The following IL10RB variants were observed in gnomAD, a reference collection of about 807,000 sequenced individuals.
The protein encoded by IL10RB is interleukin-10 receptor subunit beta.
Under a neutral mutation model 38.7 loss-of-function variants are expected in IL10RB, and 30 were observed. The observed-to-expected ratio is 0.78, with a 90% CI of 0.58 to 1.05. The LOEUF (loss-of-function observed/expected upper bound fraction) is 1.05. Ranked by LOEUF, IL10RB falls within the 50% of genes least tolerant of loss-of-function variation. The probability of loss-of-function intolerance (pLI) is 0.00; values close to 1 mark genes in which losing one functional copy is unlikely to be tolerated. For synonymous variants in IL10RB, 142 were observed against 145.9 expected, an observed-to-expected ratio of 0.97 and a Z score of 0.19; for missense variants, 328 against 397.1, an observed-to-expected ratio of 0.83 and a Z score of 1.48.
chr21:33,275,842 C>G (rs1989160631), intron 2 of IL10RB, among the ~76,000 whole-genome samples: 1 of 152,218 alleles, frequency 6.6e-6, no homozygotes, highest in African/African-American at 2.4e-5. Context: ...AGTCAGAACA[C>G]TCACAACATC....
chr21:33,288,006 C>A, intron 5 of IL10RB, 98 bp from the exon 6 acceptor site: 1 of 1,166,536 alleles, frequency 8.6e-7, no homozygotes, highest in Non-Finnish European at 1.3e-6. Context: ...GATAAACGTA[C>A]AGGCTCTGTT....
rs117656342 is a variant in IL10RB, at chr21:33,287,379, G to A, written c.647-725G>A. ...TGGCTTTGGTTTTGGTTTTTGAGGCGGGGTTTCACTCTGTCGCCCAGTTTG... is the reference window on the plus strand; with the variant it reads ...TGGCTTTGGTTTTGGTTTTTGAGGCAGGGTTTCACTCTGTCGCCCAGTTTG... On this transcript the variant is annotated intron_variant, in intron 5 of 6. Coordinates refer to ENST00000290200, the MANE Select transcript of IL10RB (RefSeq NM_000628.5). Among the ~76,000 whole-genome samples the A allele has an allele frequency of 1.7e-3, 257 of 151,506 alleles. 1 individual carries two copies. In the East Asian group the frequency reaches 0.018, roughly 10 times the overall value.
At chr21:33,307,612 G>A (rs2083001930) in intron 1 of IL10RB, among the ~76,000 whole-genome samples, 2 of 152,124 alleles carry the variant, frequency 1.3e-5, no homozygotes, top group Non-Finnish European at 2.9e-5. Context: ...GGAACAGCCT[G>A]GGATGTGCCA....
At chr21:33,293,642 G>A (rs1421235059) in intron 6 of IL10RB, among the ~76,000 whole-genome samples, 1 of 152,148 alleles carries the variant, frequency 6.6e-6, no homozygotes, top group Non-Finnish European at 1.5e-5. Context: ...CCAACATGGT[G>A]AAACCCTGTC....
chr21:33,293,641 T>A (rs1989532540), intron 6 of IL10RB, among the ~76,000 whole-genome samples: 1 of 152,038 alleles, frequency 6.6e-6, no homozygotes, highest in Non-Finnish European at 1.5e-5. Flanking sequence ...GCCAACATGG[T>A]GAAACCCTGT....
intron 5 of IL10RB, among the ~76,000 whole-genome samples, chr21:33,284,687 G>C (rs1989342529): frequency 6.6e-6 from 1 of 152,120 alleles, no homozygotes; most frequent in Non-Finnish European, 1.5e-5. Context: ...CCTTGGTGCT[G>C]TCCTCCCGAG....
chr21:33,267,978 G>C (rs8178444), intron 1 of IL10RB: 75 of 321,030 alleles, frequency 2.3e-4, no homozygotes, highest in South Asian at 2.0e-3. Context: ...AATGGGACTC[G>C]TGAGTTCCCC....
chr21:33,267,524 T>C (rs1397729447), intron 1 of IL10RB, among the ~76,000 whole-genome samples: 1 of 150,146 alleles, frequency 6.7e-6, no homozygotes, highest in African/African-American at 2.4e-5. Flanking sequence ...TTTTGTTTTT[T>C]TTTGAGACAG....
chr21:33,268,065 T>C, intron 1 of IL10RB: 1 of 450,970 alleles, frequency 2.2e-6, no homozygotes, highest in South Asian at 2.1e-5. Flanking sequence ...ATCAAATGTA[T>C]CAGGAAGTCT....
At chr21:33,281,766 G>C (rs1743027211) in intron 4 of IL10RB, among the ~76,000 whole-genome samples, 1 of 152,130 alleles carries the variant, frequency 6.6e-6, no homozygotes. Context: ...TATCAATACA[G>C]GCTTATATGG....
At chr21:33,297,379 C>A (rs1210618174), downstream of IL10RB, 1 of 151,414 alleles carries the variant, frequency 6.6e-6, no homozygotes, top group Non-Finnish European at 1.5e-5. Context: ...TGGGAGCTCT[C>A]AGTCTAAAGC....
At chr21:33,277,236 G>A (rs920847063) in intron 3 of IL10RB, among the ~76,000 whole-genome samples, 3 of 151,906 alleles carry the variant, frequency 2.0e-5, no homozygotes, top group Admixed American at 6.6e-5. Context: ...AGACTGGTTG[G>A]TCAGCATCAA....
chr21:33,299,783 T>G (rs571641224), downstream of IL10RB, among the ~76,000 whole-genome samples: 4 of 152,324 alleles, frequency 2.6e-5, no homozygotes, highest in South Asian at 8.3e-4. Flanking sequence ...CAGTTTGCAG[T>G]CAAGGTGGAG....
At chr21:33,293,632 C>T (rs1400367166) in intron 6 of IL10RB, among the ~76,000 whole-genome samples, 1 of 152,124 alleles carries the variant, frequency 6.6e-6, no homozygotes, top group African/African-American at 2.4e-5. Context: ...ACCAGCCTGG[C>T]CAACATGGTG....
downstream of IL10RB, among the ~76,000 whole-genome samples, chr21:33,299,029 A>G (rs2123609901): frequency 6.6e-6 from 1 of 152,308 alleles, no homozygotes; most frequent in Middle Eastern, 3.4e-3. Context: ...CCAATCCACT[A>G]TGCCCTATAT....
At chr21:33,289,335 T>C (rs1479364172) in intron 6 of IL10RB, among the ~76,000 whole-genome samples, 2 of 152,062 alleles carry the variant, frequency 1.3e-5, no homozygotes, top group African/African-American at 4.8e-5. Context: ...TCTCGTTTCC[T>C]GGGGAGGGTT....
chr21:33,297,633 A>AAAATTTT (rs1361251334), downstream of IL10RB, among the ~76,000 whole-genome samples: 4 of 151,980 alleles, frequency 2.6e-5, no homozygotes, highest in African/African-American at 7.3e-5. Context: ...TCCAGGCAAC[A>AAAATTTT]TGGTGAGACC....
intron 5 of IL10RB, among the ~76,000 whole-genome samples, chr21:33,286,196 G>A (rs1384138073): frequency 6.6e-6 from 1 of 152,200 alleles, no homozygotes; most frequent in Non-Finnish European, 1.5e-5. Flanking sequence ...TGTGAGCCAC[G>A]CACTGTGACA....
intron 1 of IL10RB, among the ~76,000 whole-genome samples, chr21:33,304,482 G>T (rs975644760): frequency 6.6e-6 from 1 of 152,174 alleles, no homozygotes; most frequent in Non-Finnish European, 1.5e-5. Flanking sequence ...ATTACACACC[G>T]TCCCTCAAGG....
Sources: allele counts gnomAD v4.1 joint callset (sites outside exome capture counted in the v4.1 genomes callset), GRCh38; gene constraint gnomAD v4.1.1; transcripts MANE v1.5; gene names NCBI Gene and HGNC (gene_info 2026-07-23, HGNC 2026-07-21).